The following CHRM3 variants were observed in gnomAD, a reference collection of about 807,000 sequenced individuals.
CHRM3 encodes cholinergic receptor muscarinic 3.
A neutral mutation model predicts 41.8 loss-of-function variants in CHRM3; 11 were observed. The observed-to-expected ratio is 0.26, with a 90% CI of 0.17 to 0.44. CHRM3 has a LOEUF of 0.44. CHRM3 is among the 20% of genes least tolerant of loss of function. The pLI is 1.00. For synonymous variants in CHRM3, 297 were observed against 301.4 expected, an observed-to-expected ratio of 0.99 and a Z score of 0.15; for missense variants, 571 against 745.4, an observed-to-expected ratio of 0.77 and a Z score of 2.72.
At chr1:239,401,590 A>C (rs1231858825) in intron 1 of CHRM3, among the ~76,000 whole-genome samples, 2 of 151,632 alleles carry the variant, frequency 1.3e-5, no homozygotes, top group African/African-American at 4.8e-5. Context: ...TTCCGGATTT[A>C]AGCGATTCTC....
At chr1:239,654,246 G>A (rs927220663) in intron 4 of CHRM3, among the ~76,000 whole-genome samples, 1 of 152,192 alleles carries the variant, frequency 6.6e-6, no homozygotes, top group Non-Finnish European at 1.5e-5. Flanking sequence ...TGGGATTACA[G>A]GTGCGAGCCA....
chr1:239,393,836 G>A (rs1014139300), intron 1 of CHRM3, among the ~76,000 whole-genome samples: 1 of 152,152 alleles, frequency 6.6e-6, no homozygotes, highest in Non-Finnish European at 1.5e-5. Flanking sequence ...CTCCAAAGAA[G>A]TTACCTTCAT....
At chr1:239,856,918 A>G (rs772297038) in intron 6 of CHRM3, among the ~76,000 whole-genome samples, 2 of 152,206 alleles carry the variant, frequency 1.3e-5, no homozygotes, top group African/African-American at 4.8e-5. Context: ...ACTCATCTCA[A>G]CAGAAAATTG....
At chr1:239,890,208 G>A (rs1454534111) in intron 6 of CHRM3, among the ~76,000 whole-genome samples, 1 of 152,092 alleles carries the variant, frequency 6.6e-6, no homozygotes, top group African/African-American at 2.4e-5. Context: ...GGCTGAGGCA[G>A]GAGAATCGCT....
chr1:239,589,258 T>C (rs1009129586), intron 3 of CHRM3, among the ~76,000 whole-genome samples: 3 of 151,958 alleles, frequency 2.0e-5, no homozygotes, highest in Non-Finnish European at 4.4e-5. Flanking sequence ...AAATGAGAAC[T>C]GGAAAAGTAT....
rs578071432 is a variant in CHRM3 at position 239,791,414 on chromosome 1, T to C, written c.-146-35838T>C. Among the ~76,000 whole-genome samples, 16 of 152,300 alleles carry C rather than the reference T, an allele frequency of 1.1e-4. No individual in the cohort carries two copies. In the East Asian group the frequency reaches 2.7e-3, roughly 26 times the overall value. On this transcript the variant is annotated intron_variant, in intron 5 of 6. Coordinates refer to ENST00000676153, the MANE Select transcript of CHRM3 (RefSeq NM_001375978.1). ...ACCACCATGCCCAGCCAGTAAACATTTCTTTAAAAGGGGCATGTTGAGCAA... is the reference window on the plus strand; with the variant it reads ...ACCACCATGCCCAGCCAGTAAACATCTCTTTAAAAGGGGCATGTTGAGCAA...
At chr1:239,445,094 A>G (rs1198859443) in intron 1 of CHRM3, among the ~76,000 whole-genome samples, 1 of 152,158 alleles carries the variant, frequency 6.6e-6, no homozygotes, top group East Asian at 1.9e-4. Context: ...TGTAATGTTG[A>G]AGAATATGTG....
At chr1:239,594,947 G>A (rs532540717) in intron 3 of CHRM3, among the ~76,000 whole-genome samples, 2 of 152,280 alleles carry the variant, frequency 1.3e-5, no homozygotes, top group African/African-American at 4.8e-5. Flanking sequence ...AAATTAGCCG[G>A]GCGTGGTGGC....
intron 1 of CHRM3, among the ~76,000 whole-genome samples, chr1:239,480,543 ATTTTTTTTT>A (rs745979239): frequency 9.0e-6 from 1 of 110,718 alleles, no homozygotes; most frequent in Non-Finnish European, 1.7e-5. Context: ...CGATAGCCCA[ATTTTTTTTT>A]TTTTTTTTTT....
intron 1 of CHRM3, among the ~76,000 whole-genome samples, chr1:239,403,793 G>A (rs895918232): frequency 6.6e-6 from 1 of 151,846 alleles, no homozygotes; most frequent in African/African-American, 2.4e-5. Flanking sequence ...TGGGATGTCT[G>A]CTAAAGATTC....
At chr1:239,735,291 G>A (rs1664300597) in intron 5 of CHRM3, among the ~76,000 whole-genome samples, 1 of 152,042 alleles carries the variant, frequency 6.6e-6, no homozygotes, top group Admixed American at 6.6e-5. Flanking sequence ...CATAAATAGG[G>A]TATTCAGAGC....
At position 239,764,265 on chromosome 1, in the gene CHRM3, G is replaced by C. The variant is rs191235811; in HGVS notation, c.-146-62987G>C. Among the ~76,000 whole-genome samples, 323 of 152,168 alleles carry C rather than the reference G, an allele frequency of 2.1e-3. 5 individuals carry two copies. The highest frequency in any genetic ancestry group is 0.02 in the Admixed American group (303 of 15,288). ...TTAAGAATTCTAAGTTGACAAACAGGGTCCTTGGAAGTGGATGTTGAAAAT... is the reference window on the plus strand; with the variant it reads ...TTAAGAATTCTAAGTTGACAAACAGCGTCCTTGGAAGTGGATGTTGAAAAT... On this transcript the variant is annotated intron_variant, in intron 5 of 6. Coordinates refer to ENST00000676153, the MANE Select transcript of CHRM3 (RefSeq NM_001375978.1).
At chr1:239,411,952 G>A (rs559698118) in intron 1 of CHRM3, among the ~76,000 whole-genome samples, 89 of 151,750 alleles carry the variant, frequency 5.9e-4, no homozygotes, top group Non-Finnish European at 9.6e-4. Context: ...CTAAATAGCA[G>A]GCATAGACTA....
intron 3 of CHRM3, among the ~76,000 whole-genome samples, chr1:239,600,573 T>A (rs1665394520): frequency 2.0e-5 from 3 of 152,042 alleles, no homozygotes; most frequent in Admixed American, 2.0e-4. Flanking sequence ...AAGGGTAAAA[T>A]GATGGGCTAC....
intron 5 of CHRM3, among the ~76,000 whole-genome samples, chr1:239,700,109 C>T (rs1660547001): frequency 6.6e-6 from 1 of 152,010 alleles, no homozygotes; most frequent in Non-Finnish European, 1.5e-5. Context: ...AACAGATCCT[C>T]ATAAAAGAAA....
At chr1:239,903,740 G>T (rs946127851) in intron 6 of CHRM3, among the ~76,000 whole-genome samples, 23 of 152,118 alleles carry the variant, frequency 1.5e-4, no homozygotes, top group African/African-American at 5.6e-4. Flanking sequence ...CCATGTGGTG[G>T]CAAATAGGGT....
At chr1:239,394,497 G>T (rs2102935936) in intron 1 of CHRM3, among the ~76,000 whole-genome samples, 1 of 152,272 alleles carries the variant, frequency 6.6e-6, no homozygotes, top group African/African-American at 2.4e-5. Context: ...CACATCTTTT[G>T]TCATATAAGG....
At chr1:239,638,490 G>C (rs1357265301) in intron 4 of CHRM3, among the ~76,000 whole-genome samples, 2 of 152,132 alleles carry the variant, frequency 1.3e-5, no homozygotes, top group African/African-American at 4.8e-5. Flanking sequence ...TTGTGGTTTT[G>C]ATTTGCATTT....
At chr1:239,591,228 C>T (rs541407729) in intron 3 of CHRM3, among the ~76,000 whole-genome samples, 20 of 152,110 alleles carry the variant, frequency 1.3e-4, no homozygotes, top group Non-Finnish European at 2.1e-4. Context: ...TATAAAATTG[C>T]GCTGGTCTCC....
Sources: gnomAD v4.1 joint callset for allele counts (sites outside exome capture counted in the v4.1 genomes callset) on GRCh38, gnomAD v4.1.1 for gene constraint, MANE v1.5 for transcripts, NCBI Gene and HGNC (gene_info 2026-07-23, HGNC 2026-07-21) for gene names.